NRG1: variants seen among roughly 807,000 people sequenced by gnomAD.
The protein encoded by NRG1 is pro-neuregulin-1, membrane-bound isoform.
Under a neutral mutation model 63.8 loss-of-function variants are expected in NRG1, and 18 were observed. The ratio of observed to expected loss-of-function variants is 0.28; its 90% CI spans 0.19 to 0.42. The LOEUF is 0.42. NRG1 is among the 10% of genes least tolerant of loss of function. NRG1 has a pLI of 1.00. For missense variants in NRG1, 762 were observed against 814.7 expected, an observed-to-expected ratio of 0.94 and a Z score of 0.79; for synonymous variants, 302 against 301.3, an observed-to-expected ratio of 1.00 and a Z score of -0.02.
At chr8:32,705,961 T>A (rs531197440) in intron 5 of NRG1, among the ~76,000 whole-genome samples, 118 of 152,346 alleles carry the variant, frequency 7.7e-4, no homozygotes, top group African/African-American at 2.7e-3. Context: ...TTCTATAAAT[T>A]TCTTTTTAAA....
At chr8:31,902,273 G>A (rs542380314) in intron 1 of NRG1, among the ~76,000 whole-genome samples, 1 of 152,292 alleles carries the variant, frequency 6.6e-6, no homozygotes, top group East Asian at 1.9e-4. Flanking sequence ...GATGCCTTCA[G>A]TAGAAAATGG....
chr8:32,221,347 G>C (rs1450592321), intron 1 of NRG1, among the ~76,000 whole-genome samples: 1 of 152,112 alleles, frequency 6.6e-6, no homozygotes, highest in African/African-American at 2.4e-5. Flanking sequence ...AAGGAGACCC[G>C]CTTCGTTTTC....
intron 1 of NRG1, among the ~76,000 whole-genome samples, chr8:32,120,642 T>C (rs965943650): frequency 2.6e-5 from 4 of 152,034 alleles, no homozygotes; most frequent in Non-Finnish European, 5.9e-5. Flanking sequence ...ATTATTATAG[T>C]GCTGAAGCTC....
chr8:32,589,921 G>C (rs528584403), intron 1 of NRG1, among the ~76,000 whole-genome samples: 1 of 152,128 alleles, frequency 6.6e-6, no homozygotes, highest in Non-Finnish European at 1.5e-5. Flanking sequence ...AGTTTTTGTG[G>C]TGGTCAGAAT....
intron 1 of NRG1, among the ~76,000 whole-genome samples, chr8:31,937,058 A>G (rs1352699497): frequency 6.6e-6 from 1 of 152,208 alleles, no homozygotes; most frequent in East Asian, 1.9e-4. Context: ...CATTGCCAAC[A>G]TCTCATACAT....
intron 1 of NRG1, among the ~76,000 whole-genome samples, chr8:32,339,242 A>G (rs538798978): frequency 2.6e-5 from 4 of 152,342 alleles, no homozygotes; most frequent in Non-Finnish European, 5.9e-5. Context: ...CATATTGTTA[A>G]TAAAGAAGAT....
intron 1 of NRG1, among the ~76,000 whole-genome samples, chr8:31,730,983 T>C (rs1012586116): frequency 6.6e-6 from 1 of 152,146 alleles, no homozygotes; most frequent in African/African-American, 2.4e-5. Context: ...TTTTTCTTTT[T>C]GAATTAATTG....
At chr8:31,747,252 A>AT (rs1815975202) in intron 1 of NRG1, among the ~76,000 whole-genome samples, 1 of 151,940 alleles carries the variant, frequency 6.6e-6, no homozygotes. Flanking sequence ...TTCACATTGC[A>AT]TGCCTGTATC....
intron 1 of NRG1, among the ~76,000 whole-genome samples, chr8:32,265,372 C>T (rs1282234431): frequency 1.3e-5 from 2 of 151,868 alleles, no homozygotes; most frequent in Admixed American, 1.3e-4. Flanking sequence ...ATATTGCTGT[C>T]AGTAAAGACT....
At chr8:32,348,572 A>G (rs1805197049) in intron 1 of NRG1, among the ~76,000 whole-genome samples, 1 of 152,226 alleles carries the variant, frequency 6.6e-6, no homozygotes, top group Non-Finnish European at 1.5e-5. Flanking sequence ...TTATGGTCAA[A>G]TAACATAAAG....
intron 1 of NRG1, among the ~76,000 whole-genome samples, chr8:32,067,675 C>T (rs768400473): frequency 5.9e-5 from 9 of 152,110 alleles, no homozygotes; most frequent in Non-Finnish European, 1.3e-4. Flanking sequence ...TTTTGGAAGA[C>T]TCTTTACACA....
At chr8:32,215,399 T>C (rs985650307) in intron 1 of NRG1, among the ~76,000 whole-genome samples, 11 of 152,190 alleles carry the variant, frequency 7.2e-5, no homozygotes, top group African/African-American at 2.7e-4. Context: ...TTAACACCTC[T>C]GCAGCAGGAC....
intron 1 of NRG1, among the ~76,000 whole-genome samples, chr8:32,344,326 CTTTCTTTCTTT>C (rs1804471310): frequency 2.5e-5 from 1 of 40,410 alleles, no homozygotes; most frequent in Admixed American, 2.6e-4. Context: ...CCTTCTTTCT[CTTTCTTTCTTT>C]CTTTCTTTCT....
intron 1 of NRG1, among the ~76,000 whole-genome samples, chr8:32,543,145 G>T (rs1429974448): frequency 6.6e-6 from 1 of 152,116 alleles, no homozygotes; most frequent in Non-Finnish European, 1.5e-5. Flanking sequence ...TAAAATAAAT[G>T]GATACAAGGT....
intron 1 of NRG1, among the ~76,000 whole-genome samples, chr8:31,744,268 ATG>A (rs2131417829): frequency 6.6e-6 from 1 of 152,110 alleles, no homozygotes; most frequent in South Asian, 2.1e-4. Context: ...CTGTAGTCCA[ATG>A]TCTATTGGGT....
At chr8:32,562,535 C>T (rs1256707578) in intron 1 of NRG1, among the ~76,000 whole-genome samples, 1 of 152,116 alleles carries the variant, frequency 6.6e-6, no homozygotes, top group Non-Finnish European at 1.5e-5. Context: ...AGGCATGAAC[C>T]ACTGTGCCTG....
chr8:32,489,064 G>T (rs1826232645), intron 1 of NRG1, among the ~76,000 whole-genome samples: 1 of 152,210 alleles, frequency 6.6e-6, no homozygotes, highest in Admixed American at 6.5e-5. Context: ...ACATCTTGGA[G>T]GTCAAGCACA....
chr8:31,875,337 G>T (rs1434968395), intron 1 of NRG1, among the ~76,000 whole-genome samples: 4 of 152,116 alleles, frequency 2.6e-5, no homozygotes, highest in African/African-American at 9.7e-5. Context: ...TCCAGACTGG[G>T]CAGGGAGTCT....
At chr8:32,408,390 T>C (rs986404951) in intron 1 of NRG1, among the ~76,000 whole-genome samples, 1 of 152,146 alleles carries the variant, frequency 6.6e-6, no homozygotes, top group Non-Finnish European at 1.5e-5. Context: ...CAGTTTGAAC[T>C]GTGAGACTGA....
Sources: allele counts gnomAD v4.1 joint callset (sites outside exome capture counted in the v4.1 genomes callset), GRCh38; gene constraint gnomAD v4.1.1; transcripts MANE v1.5; gene names NCBI Gene and HGNC (gene_info 2026-07-23, HGNC 2026-07-21).